STARD9: variants seen among roughly 807,000 people sequenced by gnomAD.
STARD9 encodes stAR-related lipid transfer protein 9.
Under a neutral mutation model 399.8 loss-of-function variants are expected in STARD9, and 346 were observed. That is an observed-to-expected ratio of 0.87 (90% CI 0.79 to 0.95). The LOEUF is 0.95. Ranked by LOEUF, STARD9 falls within the 40% of genes least tolerant of loss-of-function variation. The pLI is 0.00. For missense variants in STARD9, 5,832 were observed against 5,667.5 expected (o/e 1.03, Z -0.93); for synonymous variants, 2,203 against 2,143.5 (o/e 1.03, Z -0.77).
rs143110514 is a variant in STARD9, at chr15:42,600,183, C to T, written c.234+14546C>T. ...ACTCCTAGAGGAGATGAAGACCAAA[C>T]GGTTTCTCTGGTACAATGACAAAGT... On this transcript the variant is annotated intron_variant, in intron 3 of 32. Transcript: ENST00000290607. Among the ~76,000 whole-genome samples the T allele has an allele frequency of 3.3e-3, 496 of 152,214 alleles. 1 individual carries two copies. Among genetic ancestry groups the T allele is most frequent in the Admixed American group, 5.9e-3 (90 of 15,282 alleles).
intron 9 of STARD9, among the ~76,000 whole-genome samples, chr15:42,657,237 G>A (rs918414713): frequency 6.6e-6 from 1 of 151,760 alleles, no homozygotes; most frequent in Non-Finnish European, 1.5e-5. Context: ...GTGAGCGCTT[G>A]TAGTCCCAGC....
chr15:42,652,636 T>G (rs1566905838), intron 9 of STARD9, 44 bp downstream of exon 9: 2 of 1,469,916 alleles, frequency 1.4e-6, no homozygotes, highest in African/African-American at 1.4e-5. Context: ...CCTCTCCTTG[T>G]ACCTTTAAAC....
At chr15:42,666,849 C>T (rs907513121) in intron 15 of STARD9, among the ~76,000 whole-genome samples, 3 of 152,178 alleles carry the variant, frequency 2.0e-5, no homozygotes, top group Non-Finnish European at 4.4e-5. Context: ...GAGTCTCACT[C>T]TGTCACCCAG....
intron 3 of STARD9, among the ~76,000 whole-genome samples, chr15:42,634,122 C>A (rs1344583817): frequency 2.6e-5 from 4 of 152,072 alleles, no homozygotes; most frequent in Non-Finnish European, 4.4e-5. Flanking sequence ...TCCGCTGTAC[C>A]AGCTGTGGGT....
chr15:42,637,980 T>C (rs1474949125), intron 5 of STARD9, 41 bp downstream of exon 5: 13 of 1,537,274 alleles, frequency 8.5e-6, no homozygotes, highest in Middle Eastern at 1.7e-4. Context: ...AAAGTAGGTC[T>C]CTCTACAATT....
intron 3 of STARD9, among the ~76,000 whole-genome samples, chr15:42,614,149 A>G (rs748775568): frequency 6.6e-6 from 1 of 151,892 alleles, no homozygotes; most frequent in Non-Finnish European, 1.5e-5. Flanking sequence ...CGTCTCTACT[A>G]AAAATACAAA....
intron 22 of STARD9, 125 bp from the exon 23 acceptor site, chr15:42,683,991 G>C (rs2060490379): frequency 9.6e-7 from 1 of 1,044,344 alleles, no homozygotes; most frequent in African/African-American, 1.6e-5. Flanking sequence ...TTTATACCTG[G>C]AGAGCTTTTC....
At chr15:42,675,105 A>G (rs2060282609) in intron 18 of STARD9, 141 bp downstream of exon 18, 1 of 926,778 alleles carries the variant, frequency 1.1e-6, no homozygotes, top group Non-Finnish European at 1.5e-6. Flanking sequence ...ATTTTCTAAT[A>G]TGATCCTATT....
intron 3 of STARD9, among the ~76,000 whole-genome samples, chr15:42,630,665 T>C (rs2059315382): frequency 6.6e-6 from 1 of 152,184 alleles, no homozygotes; most frequent in Non-Finnish European, 1.5e-5. Context: ...GTAGATTGCA[T>C]GTGTCTAGGA....
chr15:42,673,520 A>C (rs931775705), intron 16 of STARD9, among the ~76,000 whole-genome samples: 1 of 152,144 alleles, frequency 6.6e-6, no homozygotes, highest in African/African-American at 2.4e-5. Flanking sequence ...TAGCTCTTCT[A>C]TTTGGTATGT....
rs2060752216 is a variant in STARD9, at chr15:42,693,058, G to A, written c.11480G>A (p.Gly3827Glu). 1 of 1,537,034 alleles carries A rather than the reference G, an allele frequency of 6.5e-7. No individual in the cohort carries two copies. Among genetic ancestry groups the A allele is most frequent in the Non-Finnish European group, 8.7e-7 (1 of 1,146,864 alleles). Reference sequence around the variant, plus strand: ...TTGAGGTTTCAGAAAGCCCCCGTTGGGCAGCATCTTCCTTCTGTGAGCCCC... The same window carrying A: ...TTGAGGTTTCAGAAAGCCCCCGTTGAGCAGCATCTTCCTTCTGTGAGCCCC... ...SHLRFQKAPV[G>E]QHLPSVSPSV... is the part of the protein sequence containing the mutation. The change falls in exon 23 of 33, where the codon GGG (glycine) becomes GAG (glutamate). Residue 3827 changes from glycine to glutamate, a missense_variant. This residue lies in a region of STARD9 where 5,828 missense variants were observed against 5,651.1 expected (regional missense o/e 1.03). Coordinates refer to ENST00000290607, the MANE Select transcript of STARD9 (RefSeq NM_020759.3).
At position 42,689,664 on chromosome 15, in the gene STARD9, T is replaced by C. The variant is rs750723056; in HGVS notation, c.8086T>C (p.Ser2696Pro). ...AGASEPFICH[S>P]SSSEIIEKKK... ...AGCAAGTGAACCATTTATATGTCAC[T>C]CTAGTTCTTCTGAAATCATAGAGAA... The change falls in exon 23 of 33, where the codon TCT becomes CCT. Residue 2696 changes from serine to proline, a missense_variant. By Grantham distance (74) the Ser-to-Pro change is moderately conservative. This residue lies in a region of STARD9 where 5,828 missense variants were observed against 5,651.1 expected (regional missense o/e 1.03). Transcript: ENST00000290607. The C allele has an allele frequency of 5.1e-5, 78 of 1,537,646 alleles. No homozygotes were observed. The highest frequency in any genetic ancestry group is 6.5e-5 in the Non-Finnish European group (75 of 1,147,036).
At chr15:42,631,246 C>T (rs770227057) in intron 3 of STARD9, among the ~76,000 whole-genome samples, 4 of 152,112 alleles carry the variant, frequency 2.6e-5, no homozygotes, top group Non-Finnish European at 4.4e-5. Context: ...GTAGTACTTA[C>T]ACTGTATCCC....
rs1317546442 is a variant in STARD9 at position 42,585,624 on chromosome 15, C to G, written c.221C>G (p.Ala74Gly). The change falls in exon 3 of 33, where the codon GCA becomes GGA. Residue 74 changes from alanine (A) to glycine (G), a missense_variant. This residue lies in a region of STARD9 where 5,828 missense variants were observed against 5,651.1 expected (regional missense o/e 1.03). Transcript: ENST00000290607. ...GTCAACCCAGAGGATCCCCAGTATG[C>G]ATCTCAAGATGTGGTAATATCATTT... is the stretch of plus-strand genomic sequence containing the variant. ...WSVNPEDPQY[A>G]SQDVVFQDLG... 7 of 1,529,774 alleles carry G rather than the reference C, an allele frequency of 4.6e-6. No individual in the cohort carries two copies. The highest frequency in any genetic ancestry group is 6.1e-6 in the Non-Finnish European group (7 of 1,140,206). The allele number at this position is 1,529,774 out of a possible 1,614,324, so 94.8% of individuals were successfully genotyped here. A position where few individuals can be genotyped will look rare whatever the true frequency, so the allele number is the denominator to read the frequency against.
chr15:42,719,339 G>A, intron 32 of STARD9, 134 bp from the exon 33 acceptor site: 1 of 627,448 alleles, frequency 1.6e-6, no homozygotes, highest in Non-Finnish European at 2.8e-6. Flanking sequence ...GAGCCCAGGG[G>A]CCTGTAAACA....
At chr15:42,673,663 AG>A (rs1328483501) in intron 16 of STARD9, among the ~76,000 whole-genome samples, 1 of 152,214 alleles carries the variant, frequency 6.6e-6, no homozygotes, top group African/African-American at 2.4e-5. Context: ...CATAATGCCT[AG>A]GACATATTGA....
chr15:42,692,574 G>A lies in STARD9; in HGVS notation c.10996G>A (p.Val3666Ile). ...CTTTGCTCAGCCTGAAGCCAGTGCAGTATCAGCCTTTGATCTGGCCTCATG... is the reference window on the plus strand; with the variant it reads ...CTTTGCTCAGCCTGAAGCCAGTGCAATATCAGCCTTTGATCTGGCCTCATG... Reference protein sequence around the residue: ...ISFAQPEASAVSAFDLASWTS... With the variant: ...ISFAQPEASAISAFDLASWTS... The change falls in exon 23 of 33, where the codon GTA (valine) becomes ATA (isoleucine). Residue 3666 changes from valine to isoleucine, a missense_variant. Around this residue, in one of 2 missense-constraint regions of STARD9, gnomAD observed 5,828 missense variants for 5,651.1 expected, o/e 1.03. Coordinates refer to ENST00000290607, the MANE Select transcript of STARD9 (RefSeq NM_020759.3). The A allele has an allele frequency of 1.3e-6, 2 of 1,537,248 alleles. No homozygotes were observed.
chr15:42,648,354 G>A (rs2059687337), intron 7 of STARD9, among the ~76,000 whole-genome samples: 1 of 152,086 alleles, frequency 6.6e-6, no homozygotes. Flanking sequence ...GTAGAGATGG[G>A]GTTTCACCAT....
chr15:42,703,170 C>T (rs573598333), intron 26 of STARD9, among the ~76,000 whole-genome samples: 1 of 152,090 alleles, frequency 6.6e-6, no homozygotes, highest in Non-Finnish European at 1.5e-5. Context: ...TTATTATATG[C>T]CGTGGAGTAG....
Sources: gnomAD v4.1 joint callset for allele counts (sites outside exome capture counted in the v4.1 genomes callset) on GRCh38, gnomAD v4.1.1 for gene constraint, gnomAD v4.1.1 regional missense constraint, MANE v1.5 for transcripts, NCBI Gene and HGNC (gene_info 2026-07-23, HGNC 2026-07-21) for gene names.